Variants in C17orf58 observed in about 807,000 individuals in gnomAD.
C17orf58 encodes the protein UPF0450 protein C17orf58.
A neutral mutation model predicts 7.4 loss-of-function variants in C17orf58; 5 were observed. The ratio of observed to expected loss-of-function variants is 0.67; its 90% CI spans 0.35 to 1.42. C17orf58 has a LOEUF of 1.42. Ranked by LOEUF, C17orf58 falls within the 40% of genes most tolerant of loss-of-function variation. The probability of loss-of-function intolerance (pLI) is 0.04; values close to 1 mark genes in which losing one functional copy is unlikely to be tolerated. For missense variants in C17orf58, 162 were observed against 174.2 expected (o/e 0.93, Z 0.40); for synonymous variants, 60 against 70.6 (o/e 0.85, Z 0.75).
At position 67,993,975 on chromosome 17, in the gene C17orf58, G is replaced by A; in HGVS notation, c.86C>T (p.Pro29Leu). The A allele has an allele frequency of 2.5e-6, 1 of 396,272 alleles. No individual in the cohort carries two copies. The highest frequency in any genetic ancestry group is 4.5e-6 in the Non-Finnish European group (1 of 224,708). The allele number at this position is 396,272 out of a possible 1,614,324, so 24.5% of individuals were successfully genotyped here. A position where few individuals can be genotyped will look rare whatever the true frequency, so the allele number is the denominator to read the frequency against. ...GCGGGAGTCCGGCTTTCTGCTGTGC[G>A]GCGGCGAGGCTGTGGGGAGAGAAGA... Reference protein sequence around the residue: ...APVAERKTSPPHSRKPDSRGC... With the variant: ...APVAERKTSPLHSRKPDSRGC... The change falls in exon 2 of 4, where the codon CCG (proline) becomes CTG (leucine). Residue 29 changes from proline to leucine, a missense_variant. Coordinates refer to ENST00000580729, the MANE Select transcript of C17orf58 (RefSeq NM_001382359.1). This position sits in a 1 kb window ranked among gnomAD's most constrained non-coding sequence, Gnocchi z 5.1.
In C17orf58 at chr17:67,993,107, GGAA is replaced by G. The variant is rs1231530194; in HGVS notation, c.763_765del (p.Phe255del). 10 of 1,614,008 alleles carry G rather than the reference GGAA, an allele frequency of 6.2e-6. No homozygotes were observed. The highest frequency in any genetic ancestry group is 1.6e-4 in the Middle Eastern group (1 of 6,082). On this transcript the variant is annotated inframe_deletion, in exon 3 of 4. Coordinates refer to ENST00000580729, the MANE Select transcript of C17orf58 (RefSeq NM_001382359.1). This position sits in a 1 kb window ranked among gnomAD's most constrained non-coding sequence, Gnocchi z 5.1. ...GAGTCCAGGGCTAACATGTGGACTC[GGAA>G]GAAGAAGCCGTCGGGGGTGAGGTAC...
chr17:67,996,049 A>G, intron 1 of C17orf58, 74 bp downstream of exon 1: 1 of 395,892 alleles, frequency 2.5e-6, no homozygotes, highest in Non-Finnish European at 4.4e-6. Flanking sequence ...CCCACGTTTC[A>G]CTGAGCCTCC....
chr17:67,992,192 G>A (rs2070840107), intron 3 of C17orf58, 89 bp from the exon 4 acceptor site: 1 of 1,120,798 alleles, frequency 8.9e-7, no homozygotes, highest in Non-Finnish European at 1.2e-6. Context: ...CGCCTAAGCT[G>A]CAATCTATTA....
chr17:67,994,508 GTGTGTGTGTATATATATATA>G (rs2070873812), intron 1 of C17orf58, among the ~76,000 whole-genome samples: 1 of 55,970 alleles, frequency 1.8e-5, no homozygotes, highest in Non-Finnish European at 3.8e-5. Context: ...GTGTGTGTGT[GTGTGTGTGTATATATATATA>G]TATATATAAA....
intron 1 of C17orf58, among the ~76,000 whole-genome samples, chr17:67,995,682 G>A (rs572839684): frequency 6.6e-6 from 1 of 152,324 alleles, no homozygotes; most frequent in South Asian, 2.1e-4. Flanking sequence ...GCCCGGGGCT[G>A]CCGGATTTCG....
At chr17:67,992,243 A>G in intron 3 of C17orf58, 140 bp from the exon 4 acceptor site, 1 of 733,766 alleles carries the variant, frequency 1.4e-6, no homozygotes, top group Non-Finnish European at 2.0e-6. Context: ...GTCTACAGGC[A>G]TCTGGTGGAA....
At position 67,993,502 on chromosome 17, in the gene C17orf58, C is replaced by T. The variant is rs2070859538; in HGVS notation, c.559G>A (p.Glu187Lys). 2.5e-6 allele frequency: 1 copy of T among 395,714 alleles called. No individual in the cohort carries two copies. Among genetic ancestry groups the T allele is most frequent in the Non-Finnish European group, 4.4e-6 (1 of 224,912 alleles). The allele number at this position is 395,714 out of a possible 1,614,324, so 24.5% of individuals were successfully genotyped here. A position where few individuals can be genotyped will look rare whatever the true frequency, so the allele number is the denominator to read the frequency against. ...CGCGCGCAGGGCTCAGCGCCGGGCT[C>T]CGCGTCCCTCTGCGGCGGGCTGAGG... ...FGLSPPQRDA[E>K]PGAEPCARAC... The change falls in exon 2 of 4, where the codon GAG (glutamate) becomes AAG (lysine). Residue 187 changes from glutamate to lysine, a missense_variant. Physicochemically the swap from Glu to Lys is moderately conservative, Grantham distance 56. Around this residue, in one of 3 missense-constraint regions of C17orf58, gnomAD observed 93 missense variants for 90.4 expected, o/e 1.03. Transcript: ENST00000580729. The surrounding 1 kb of genome is among the most constrained non-coding windows in gnomAD (Gnocchi z 5.1).
At position 67,993,356 on chromosome 17, in the gene C17orf58, G is replaced by C; in HGVS notation, c.637+68C>G. 1 of 655,344 alleles carries C rather than the reference G, an allele frequency of 1.5e-6. No homozygotes were observed. The highest frequency in any genetic ancestry group is 2.0e-5 in the South Asian group (1 of 49,264). 40.6% of individuals were successfully genotyped at this position (655,344 alleles called of 1,614,324 possible). On this transcript the variant is annotated intron_variant, in intron 2 of 3. Transcript: ENST00000580729. The surrounding 1 kb of genome is among the most constrained non-coding windows in gnomAD (Gnocchi z 5.1). ...CGGGTCAGGCGCCCTGGGATCTCGC[G>C]GGCGGATTCTCCGGGGCTCGGAAAG...
Position 67,994,493 on chromosome 17 carries a change from CGTGT to C in C17orf58, c.77-513_77-510del, listed in dbSNP as rs71142121. 4.0e-3 allele frequency among the ~76,000 whole-genome samples: 380 copies of C among 94,348 alleles called. 7 individuals carry two copies. The highest frequency in any genetic ancestry group is 0.016 in the South Asian group (41 of 2,552). 61.9% of individuals were successfully genotyped at this position (94,348 alleles called of 152,430 possible). The stretch of plus-strand genomic sequence containing the variant: ...GTATATGTGTGTATGTGTGCGTGTG[CGTGT>C]GTGTGTGTGTGTGTGTGTGTATATA... On this transcript the variant is annotated intron_variant, in intron 1 of 3. Coordinates refer to ENST00000580729, the MANE Select transcript of C17orf58 (RefSeq NM_001382359.1).
rs2070867407 is a variant in C17orf58, at chr17:67,993,926, T to G, written c.135A>C (p.Thr45=). 2 of 392,310 alleles carry G rather than the reference T, an allele frequency of 5.1e-6. No individual in the cohort carries two copies. Among genetic ancestry groups the G allele is most frequent in the Admixed American group, 4.5e-5 (1 of 22,406 alleles). 24.3% of individuals were successfully genotyped at this position (392,310 alleles called of 1,614,324 possible). A position where few individuals can be genotyped will look rare whatever the true frequency, so the allele number is the denominator to read the frequency against. The change falls in exon 2 of 4, where the codon ACA becomes ACC. Residue 45 remains threonine (T), a synonymous_variant. Coordinates refer to ENST00000580729, the MANE Select transcript of C17orf58 (RefSeq NM_001382359.1). The surrounding 1 kb of genome is among the most constrained non-coding windows in gnomAD (Gnocchi z 5.1). ...DSRGCPSAEE[T]PGPRAQPLLE... ...GGAGTGGCTGCGCGCGGGGCCCCGG[T>G]GTCTCCTCCGCGCTCGGGCAGCCGC...
rs557724927 is a variant in C17orf58, at chr17:67,993,161, C to A, written c.712G>T (p.Asp238Tyr). The change falls in exon 3 of 4, where the codon GAC (aspartate) becomes TAC (tyrosine). Residue 238 changes from aspartate (D) to tyrosine (Y), a missense_variant. Transcript: ENST00000580729. This position sits in a 1 kb window ranked among gnomAD's most constrained non-coding sequence, Gnocchi z 5.1. Reference sequence around the variant, plus strand: ...AGGCGGTTCATCTTGTACAGCCCGTCCCGATCCACCAGCAGGGTCACCAGC... The same window carrying A: ...AGGCGGTTCATCTTGTACAGCCCGTACCGATCCACCAGCAGGGTCACCAGC... ...IRLVTLLVDR[D>Y]GLYKMNRLYL... The A allele has an allele frequency of 6.2e-7, 1 of 1,613,530 alleles. No individual in the cohort carries two copies. Among genetic ancestry groups the A allele is most frequent in the Non-Finnish European group, 8.5e-7 (1 of 1,179,622 alleles).
intron 1 of C17orf58, among the ~76,000 whole-genome samples, chr17:67,995,798 C>T (rs544065840): frequency 6.6e-6 from 1 of 152,356 alleles, no homozygotes; most frequent in African/African-American, 2.4e-5. Context: ...GGGCACGGCT[C>T]CCGAAAGGCG....
In C17orf58 at chr17:67,993,224, T is replaced by A. The variant is rs1485564434; in HGVS notation, c.649A>T (p.Ile217Phe). The change falls in exon 3 of 4, where the codon ATC (isoleucine) becomes TTC (phenylalanine). Residue 217 changes from isoleucine (I) to phenylalanine (F), a missense_variant. Around this residue, in one of 3 missense-constraint regions of C17orf58, gnomAD observed 93 missense variants for 90.4 expected, o/e 1.03. Transcript: ENST00000580729. The surrounding 1 kb of genome is among the most constrained non-coding windows in gnomAD (Gnocchi z 5.1). ...FCESEFAVNG[I>F]VHDVDVLGAG... The stretch of plus-strand genomic sequence containing the variant: ...CCCAGCACGTCCACATCGTGCACGA[T>A]CCCGTTCACCGCTGCTTCCGAAAAA... The A allele has an allele frequency of 3.2e-6, 5 of 1,573,512 alleles. No homozygotes were observed. In the African/African-American group the frequency reaches 6.8e-5, roughly 21 times the overall value.
chr17:67,992,847 C>T, intron 3 of C17orf58, 197 bp downstream of exon 3: 1 of 1,577,998 alleles, frequency 6.3e-7, no homozygotes, highest in Non-Finnish European at 8.6e-7. Context: ...GCTGTTCTCA[C>T]CCTTGAGGGT....
At chr17:67,994,633 C>T (rs2070877632) in intron 1 of C17orf58, among the ~76,000 whole-genome samples, 1 of 151,268 alleles carries the variant, frequency 6.6e-6, no homozygotes, top group South Asian at 2.1e-4. Flanking sequence ...TACAGGTTCT[C>T]CTAATTCTTT....
At chr17:67,995,852 A>T (rs1393533022) in intron 1 of C17orf58, among the ~76,000 whole-genome samples, 1 of 152,258 alleles carries the variant, frequency 6.6e-6, no homozygotes, top group African/African-American at 2.4e-5. Flanking sequence ...GTGATGGAGC[A>T]ACTACTTAAC....
In C17orf58 at chr17:67,993,281, T is replaced by C; in HGVS notation, c.638-46A>G. On this transcript the variant is annotated intron_variant, in intron 2 of 3. Transcript: ENST00000580729. The surrounding 1 kb of genome is among the most constrained non-coding windows in gnomAD (Gnocchi z 5.1). Reference sequence around the variant, plus strand: ...GGAGAAGAGCATTACCCCGAGTTCCTCTCCCAGTCCCCCAGGAGGTGGTTT... The same window carrying C: ...GGAGAAGAGCATTACCCCGAGTTCCCCTCCCAGTCCCCCAGGAGGTGGTTT... 8.2e-7 allele frequency: 1 copy of C among 1,215,166 alleles called. No individual in the cohort carries two copies. The highest frequency in any genetic ancestry group is 1.5e-5 in the South Asian group (1 of 68,184). 75.3% of individuals were successfully genotyped at this position (1,215,166 alleles called of 1,614,324 possible).
rs1177161771 is a variant in C17orf58 at position 67,991,383 on chromosome 17, G to A, written c.*530C>T. The A allele has an allele frequency of 1.1e-5, 1 of 90,214 alleles. No homozygotes were observed. Among genetic ancestry groups the A allele is most frequent in the South Asian group, 4.5e-4 (1 of 2,232 alleles). 5.6% of individuals were successfully genotyped at this position (90,214 alleles called of 1,614,324 possible). ...ACACTGGCCCTTTAGTACTCTTTAAGTATAAAACTTTAATACTTGTCCTGG... is the reference window on the plus strand; with the variant it reads ...ACACTGGCCCTTTAGTACTCTTTAAATATAAAACTTTAATACTTGTCCTGG... On this transcript the variant is annotated 3_prime_UTR_variant, in exon 4 of 4. Coordinates refer to ENST00000580729, the MANE Select transcript of C17orf58 (RefSeq NM_001382359.1).
At chr17:67,992,882 A>T (rs1555699385) in intron 3 of C17orf58, 162 bp downstream of exon 3, 1 of 1,610,562 alleles carries the variant, frequency 6.2e-7, no homozygotes, top group Non-Finnish European at 8.5e-7. Flanking sequence ...CTTAAATCAC[A>T]GAGTGGCCGG....
Sources: allele counts gnomAD v4.1 joint callset (sites outside exome capture counted in the v4.1 genomes callset), GRCh38; gene constraint gnomAD v4.1.1; regional missense constraint gnomAD v4.1.1; non-coding constraint Gnocchi (gnomAD v3.1); transcripts MANE v1.5; gene names NCBI Gene and HGNC (gene_info 2026-07-23, HGNC 2026-07-21).